The following UBE2E2 variants were observed in gnomAD, a reference collection of about 807,000 sequenced individuals.
The protein encoded by UBE2E2 is ubiquitin conjugating enzyme E2 E2.
A neutral mutation model predicts 24.7 loss-of-function variants in UBE2E2; 6 were observed. The observed-to-expected ratio is 0.24, with a 90% CI of 0.13 to 0.48. The LOEUF (loss-of-function observed/expected upper bound fraction) is 0.48. Ranked by LOEUF, UBE2E2 falls within the 20% of genes least tolerant of loss-of-function variation. The probability of loss-of-function intolerance (pLI) is 0.99; values close to 1 mark genes in which losing one functional copy is unlikely to be tolerated. For synonymous variants in UBE2E2, 104 were observed against 83.6 expected, an observed-to-expected ratio of 1.24 and a Z score of -1.33; for missense variants, 169 against 245.0, an observed-to-expected ratio of 0.69 and a Z score of 2.07.
At chr3:23,274,289 C>T (rs1007051823) in intron 3 of UBE2E2, among the ~76,000 whole-genome samples, 8 of 151,544 alleles carry the variant, frequency 5.3e-5, no homozygotes, top group Non-Finnish European at 1.0e-4. Flanking sequence ...ATTTTTTTCC[C>T]TCTTTCTTTC....
At chr3:23,486,273 C>G (rs1421877433) in intron 3 of UBE2E2, among the ~76,000 whole-genome samples, 1 of 152,182 alleles carries the variant, frequency 6.6e-6, no homozygotes, top group Non-Finnish European at 1.5e-5. Context: ...CCAGATACAC[C>G]ACAAGAGGCT....
At chr3:23,401,824 G>A (rs1267691697) in intron 3 of UBE2E2, among the ~76,000 whole-genome samples, 1 of 149,474 alleles carries the variant, frequency 6.7e-6, no homozygotes, top group Non-Finnish European at 1.5e-5. Context: ...TGGGACTACA[G>A]GCATGCACCA....
chr3:23,565,278 A>C (rs76258831), intron 5 of UBE2E2, among the ~76,000 whole-genome samples: 1,950 of 152,024 alleles, frequency 0.013, 45 homozygotes, highest in African/African-American at 0.045. Flanking sequence ...GAATTAGCCA[A>C]ATAGGGAGGG....
At chr3:23,574,848 C>G (rs1559426833) in intron 5 of UBE2E2, among the ~76,000 whole-genome samples, 1 of 152,196 alleles carries the variant, frequency 6.6e-6, no homozygotes, top group Non-Finnish European at 1.5e-5. Flanking sequence ...ATGTGCTACA[C>G]TTTATGCCAG....
intron 3 of UBE2E2, among the ~76,000 whole-genome samples, chr3:23,287,124 T>C (rs542136237): frequency 1.6e-4 from 25 of 152,230 alleles, no homozygotes; most frequent in Non-Finnish European, 3.4e-4. Flanking sequence ...AGTTTTTTGA[T>C]GGTTTTTATC....
intron 5 of UBE2E2, among the ~76,000 whole-genome samples, chr3:23,533,867 C>A (rs759201163): frequency 1.3e-5 from 2 of 151,964 alleles, no homozygotes; most frequent in African/African-American, 4.8e-5. Flanking sequence ...GTGATCCGCC[C>A]GCTTTGGCCC....
chr3:23,527,828 C>T (rs1045102762), intron 4 of UBE2E2, among the ~76,000 whole-genome samples: 3 of 151,966 alleles, frequency 2.0e-5, no homozygotes, highest in South Asian at 4.2e-4. Context: ...CACCACCCCA[C>T]CCCACCCCTT....
At chr3:23,430,557 C>G (rs1698037187) in intron 3 of UBE2E2, among the ~76,000 whole-genome samples, 1 of 152,012 alleles carries the variant, frequency 6.6e-6, no homozygotes, top group Non-Finnish European at 1.5e-5. Flanking sequence ...GAGACAGGGT[C>G]TCACTCTGTC....
intron 5 of UBE2E2, among the ~76,000 whole-genome samples, chr3:23,582,780 C>T (rs191087520): frequency 6.6e-6 from 1 of 151,666 alleles, no homozygotes; most frequent in Non-Finnish European, 1.5e-5. Context: ...TCCATGTAGA[C>T]TCTGGATATT....
chr3:23,355,051 A>G (rs995185212), intron 3 of UBE2E2, among the ~76,000 whole-genome samples: 16 of 152,006 alleles, frequency 1.1e-4, no homozygotes, highest in African/African-American at 3.9e-4. Context: ...ATGCAGCCAT[A>G]AAAAATGATG....
intron 3 of UBE2E2, among the ~76,000 whole-genome samples, chr3:23,449,136 G>A (rs373577896): frequency 6.6e-6 from 1 of 152,276 alleles, no homozygotes; most frequent in African/African-American, 2.4e-5. Context: ...ATTACAGAAC[G>A]TCAGTAGGAA....
chr3:23,462,874 C>G (rs985113010), intron 3 of UBE2E2, among the ~76,000 whole-genome samples: 5 of 152,058 alleles, frequency 3.3e-5, no homozygotes, highest in Non-Finnish European at 1.5e-5. Flanking sequence ...AGTTAGTTAA[C>G]CACTCTGTGC....
intron 3 of UBE2E2, among the ~76,000 whole-genome samples, chr3:23,270,679 A>G (rs1302691774): frequency 6.6e-6 from 1 of 152,208 alleles, no homozygotes; most frequent in Non-Finnish European, 1.5e-5. Context: ...AAAGAAGGAA[A>G]TGGTTTGACT....
In UBE2E2 at chr3:23,203,456, C is replaced by CT. The variant is rs1011859108; in HGVS notation, c.-17_-16insT. The CT allele has an allele frequency of 3.1e-6, 3 of 964,224 alleles. No individual in the cohort carries two copies. Among genetic ancestry groups the CT allele is most frequent in the East Asian group, 1.2e-4 (1 of 8,048 alleles). 59.7% of individuals were successfully genotyped at this position (964,224 alleles called of 1,614,324 possible). A position where few individuals can be genotyped will look rare whatever the true frequency, so the allele number is the denominator to read the frequency against. ...GAGCCTGCGACCTGCACGGACACCC[C>CT]CCCCTCAGGTATTCGCTCGGGCCGC... On this transcript the variant is annotated 5_prime_UTR_variant, in exon 1 of 6. Coordinates refer to ENST00000396703, the MANE Select transcript of UBE2E2 (RefSeq NM_152653.4).
At chr3:23,232,130 A>G (rs1201789119) in intron 3 of UBE2E2, among the ~76,000 whole-genome samples, 1 of 152,192 alleles carries the variant, frequency 6.6e-6, no homozygotes, top group Non-Finnish European at 1.5e-5. Flanking sequence ...GGGTAAGGTT[A>G]AACCCTCTAA....
intron 3 of UBE2E2, among the ~76,000 whole-genome samples, chr3:23,484,579 C>G (rs1037790851): frequency 6.6e-5 from 10 of 152,146 alleles, no homozygotes; most frequent in African/African-American, 2.2e-4. Context: ...TTGCCTAGAT[C>G]ACAGTACAGT....
intron 3 of UBE2E2, chr3:23,449,740 T>C (rs1225049383): frequency 2.1e-5 from 10 of 473,372 alleles, no homozygotes; most frequent in Non-Finnish European, 1.7e-5. Flanking sequence ...TAAAAACTTA[T>C]CTCATATAAT....
rs542579916 is a variant in UBE2E2 at position 23,587,957 on chromosome 3, G to A, written c.509-1777G>A. On this transcript the variant is annotated intron_variant, in intron 5 of 5. Transcript: ENST00000396703. ...GGCTTCTCCCTGGAATAATTATTACGAGATTTACACAATTCCAGGAAAACT... is the reference window on the plus strand; with the variant it reads ...GGCTTCTCCCTGGAATAATTATTACAAGATTTACACAATTCCAGGAAAACT... Among the ~76,000 whole-genome samples the A allele has an allele frequency of 1.9e-4, 29 of 152,324 alleles. 1 individual carries two copies. The highest frequency in any genetic ancestry group is 1.6e-4 in the Non-Finnish European group (11 of 68,026).
At chr3:23,333,845 C>T (rs1378549319) in intron 3 of UBE2E2, among the ~76,000 whole-genome samples, 1 of 152,068 alleles carries the variant, frequency 6.6e-6, no homozygotes, top group Non-Finnish European at 1.5e-5. Flanking sequence ...CTCCACATAA[C>T]ATGAATAAAT....
Sources: gnomAD v4.1 joint callset for allele counts (sites outside exome capture counted in the v4.1 genomes callset) on GRCh38, gnomAD v4.1.1 for gene constraint, MANE v1.5 for transcripts, NCBI Gene and HGNC (gene_info 2026-07-23, HGNC 2026-07-21) for gene names.